BPTF: variants seen among roughly 807,000 people sequenced by gnomAD.
BPTF encodes nucleosome-remodeling factor subunit BPTF.
A neutral mutation model predicts 292.5 loss-of-function variants in BPTF; 18 were observed. The observed-to-expected ratio is 0.06, with a 90% confidence interval of 0.04 to 0.09. The LOEUF (loss-of-function observed/expected upper bound fraction) is 0.09, where lower values mean the gene tolerates loss of function less well. Among genes scored for constraint, BPTF ranks in the 10% least tolerant of loss-of-function variants. The pLI, the probability that BPTF is intolerant of heterozygous loss-of-function variation, is 1.00. For missense variants in BPTF, 2,726 were observed against 3,498.7 expected (o/e 0.78, Z 5.57); for synonymous variants, 1,225 against 1,251.9 (o/e 0.98, Z 0.45).
At chr17:67,833,111 T>C (rs1000932325) in intron 1 of BPTF, among the ~76,000 whole-genome samples, 2 of 152,110 alleles carry the variant, frequency 1.3e-5, no homozygotes, top group Non-Finnish European at 2.9e-5. Context: ...TTGCCTCTTA[T>C]GGACATTTCT....
At chr17:67,960,256 A>G (rs782482386) in intron 24 of BPTF, 1 of 159,072 alleles carries the variant, frequency 6.3e-6, no homozygotes, top group Admixed American at 6.4e-5. Flanking sequence ...CTGCGAATAC[A>G]TGAAATCCTG....
At chr17:67,935,249 C>A (rs1291875553) in intron 18 of BPTF, among the ~76,000 whole-genome samples, 2 of 151,850 alleles carry the variant, frequency 1.3e-5, no homozygotes, top group African/African-American at 4.8e-5. Flanking sequence ...GTAGTGAGAC[C>A]CCCATCTCTA....
Position 67,912,201 on chromosome 17 carries a change from G to A in BPTF, c.4317G>A (p.Lys1439=). The A allele has an allele frequency of 5.0e-6, 8 of 1,609,622 alleles. No homozygotes were observed. Among genetic ancestry groups the A allele is most frequent in the South Asian group, 3.3e-5 (3 of 90,144 alleles). The change falls in exon 11 of 28, where the codon AAG becomes AAA. Residue 1439 remains lysine, a synonymous_variant. Transcript: ENST00000306378. ...TAGTAAGTGGTAATGTTGAACCAAA[G>A]GTTAATAATATAAATAAAATAATCC... ...SRVVSGNVEP[K]VNNINKIIPE...
chr17:67,896,645 G>C (rs1359763214), intron 7 of BPTF, among the ~76,000 whole-genome samples: 2 of 152,196 alleles, frequency 1.3e-5, no homozygotes, highest in African/African-American at 4.8e-5. Flanking sequence ...ATAGACGTTT[G>C]TAAAATTTTA....
intron 4 of BPTF, among the ~76,000 whole-genome samples, chr17:67,879,797 A>C (rs2060278934): frequency 1.3e-5 from 2 of 152,084 alleles, no homozygotes; most frequent in South Asian, 4.1e-4. Context: ...TCTTTTTCTA[A>C]CAGTCAGCTC....
chr17:67,832,014 C>A (rs1391518811), intron 1 of BPTF, among the ~76,000 whole-genome samples: 1 of 152,128 alleles, frequency 6.6e-6, no homozygotes. Flanking sequence ...GCCTCAGCCT[C>A]CCGAGTAGGG....
In BPTF at chr17:67,875,093, A is replaced by G. The variant is rs1445173050; in HGVS notation, c.1864+73A>G. 2.3e-6 allele frequency: 3 copies of G among 1,307,694 alleles called. No individual in the cohort carries two copies. In the African/African-American group the frequency reaches 4.5e-5, roughly 20 times the overall value. The allele number at this position is 1,307,694 out of a possible 1,614,324, so 81.0% of individuals were successfully genotyped here. ...ATGAAATCTCCAGTTTTACTTGCAA[A>G]ATGAAAGTGAAATATTGCAAGCAGC... On this transcript the variant is annotated intron_variant, in intron 4 of 27. Transcript: ENST00000306378.
intron 26 of BPTF, 23 bp from the exon 27 acceptor site, chr17:67,975,749 G>A: frequency 1.3e-6 from 2 of 1,589,054 alleles, no homozygotes; most frequent in Non-Finnish European, 1.7e-6. Context: ...CTCTGAAAAT[G>A]TTTTACATTT....
chr17:67,881,336 T>C (rs754562461), intron 4 of BPTF, among the ~76,000 whole-genome samples: 3 of 152,098 alleles, frequency 2.0e-5, no homozygotes, highest in Non-Finnish European at 2.9e-5. Flanking sequence ...TTATAAAGAA[T>C]GTGCTGGTTA....
At chr17:67,949,290 G>A (rs887665812) in intron 23 of BPTF, among the ~76,000 whole-genome samples, 23 of 152,216 alleles carry the variant, frequency 1.5e-4, no homozygotes, top group Admixed American at 7.2e-4. Context: ...ACTTGAACCC[G>A]GAAAGCAGAG....
intron 23 of BPTF, chr17:67,957,232 G>A (rs77706698): frequency 0.14 from 21,748 of 152,522 alleles, 2,516 homozygotes; most frequent in East Asian, 0.66. Context: ...GCTGTGAGCC[G>A]AGATCGCGCC....
At chr17:67,873,487 CG>C (rs2059877075) in intron 3 of BPTF, among the ~76,000 whole-genome samples, 1 of 151,542 alleles carries the variant, frequency 6.6e-6, no homozygotes, top group African/African-American at 2.4e-5. Context: ...AAAGAAAAAC[CG>C]TGTTTCTTCT....
chr17:67,866,353 T>C lies in BPTF; in HGVS notation c.1437-111T>C. 3.8e-6 allele frequency: 3 copies of C among 780,794 alleles called. No homozygotes were observed. In the South Asian group the frequency reaches 5.0e-5, roughly 13 times the overall value. The allele number at this position is 780,794 out of a possible 1,614,324, so 48.4% of individuals were successfully genotyped here. A position where few individuals can be genotyped will look rare whatever the true frequency, so the allele number is the denominator to read the frequency against. On this transcript the variant is annotated intron_variant, in intron 2 of 27. Transcript: ENST00000306378. ...TGCAGGGTTTTCTTGTGAGCGCCTA[T>C]ATTGAGTTTTAGTGCATAAGCTTTG... is the stretch of plus-strand genomic sequence containing the variant.
At chr17:67,862,241 G>T (rs751823736) in intron 2 of BPTF, among the ~76,000 whole-genome samples, 2 of 152,214 alleles carry the variant, frequency 1.3e-5, no homozygotes, top group South Asian at 4.1e-4. Flanking sequence ...CTCCGAAAGT[G>T]CTGGGATTAC....
chr17:67,950,051 CAAAA>C (rs567911150), intron 23 of BPTF, among the ~76,000 whole-genome samples: 2 of 68,578 alleles, frequency 2.9e-5, no homozygotes, highest in Non-Finnish European at 4.8e-5. Context: ...GAGACTGTCT[CAAAA>C]AAAAAAAAAA....
intron 19 of BPTF, 53 bp downstream of exon 19, chr17:67,940,709 CG>C (rs2065293252): frequency 6.5e-7 from 1 of 1,539,888 alleles, no homozygotes; most frequent in East Asian, 2.3e-5. Flanking sequence ...TTTATTCTTG[CG>C]GTAAGTTTAA....
Position 67,966,666 on chromosome 17 carries a change from T to A in BPTF, c.8539+10T>A, listed in dbSNP as rs782270541. ...ATTAAGGAACCTATGGGTAAGTACA[T>A]GAGTTGAATATGAAGTTTTTCAGAA... is the stretch of plus-strand genomic sequence containing the variant. On this transcript the variant is annotated intron_variant, in intron 26 of 27. Coordinates refer to ENST00000306378, the MANE Select transcript of BPTF (RefSeq NM_182641.4). 1.3e-6 allele frequency: 2 copies of A among 1,495,476 alleles called. No homozygotes were observed. The highest frequency in any genetic ancestry group is 2.6e-5 in the South Asian group (2 of 76,008). The allele number at this position is 1,495,476 out of a possible 1,614,324, so 92.6% of individuals were successfully genotyped here. A position where few individuals can be genotyped will look rare whatever the true frequency, so the allele number is the denominator to read the frequency against.
In BPTF at chr17:67,940,398, A is replaced by G. The variant is rs781972701; in HGVS notation, c.6260-41A>G. On this transcript the variant is annotated intron_variant, in intron 18 of 27. Coordinates refer to ENST00000306378, the MANE Select transcript of BPTF (RefSeq NM_182641.4). ...AATTATTTCAATTCAAAATAATGCC[A>G]AGGGTGTATAAGCATTCATAATGTT... 30 of 1,552,464 alleles carry G rather than the reference A, an allele frequency of 1.9e-5. 2 individuals carry two copies. In the South Asian group the frequency reaches 3.3e-4, roughly 17 times the overall value.
intron 27 of BPTF, chr17:67,977,675 C>T (rs2069680144): frequency 6.6e-6 from 1 of 151,128 alleles, no homozygotes; most frequent in South Asian, 2.1e-4. Context: ...AACCCCGTCT[C>T]TACTAAAAAT....
Sources: gnomAD v4.1 joint callset for allele counts (sites outside exome capture counted in the v4.1 genomes callset) on GRCh38, gnomAD v4.1.1 for gene constraint, MANE v1.5 for transcripts, NCBI Gene and HGNC (gene_info 2026-07-23, HGNC 2026-07-21) for gene names.